The following ALPL variants were observed in gnomAD, a reference collection of about 807,000 sequenced individuals.
ALPL encodes the protein alkaline phosphatase, tissue-nonspecific isozyme.
ALPL carries 42 observed loss-of-function variants against 51.3 expected under a neutral mutation model. The observed-to-expected ratio is 0.82, with a 90% CI of 0.64 to 1.06. ALPL has a LOEUF of 1.06. ALPL is among the 50% of genes least tolerant of loss of function. The pLI is 0.00. For synonymous variants in ALPL, 279 were observed against 296.4 expected, an observed-to-expected ratio of 0.94 and a Z score of 0.60; for missense variants, 589 against 709.4, an observed-to-expected ratio of 0.83 and a Z score of 1.93.
chr1:21,569,614 C>T (rs1011899773), intron 7 of ALPL, among the ~76,000 whole-genome samples: 2 of 152,136 alleles, frequency 1.3e-5, no homozygotes, highest in African/African-American at 4.8e-5. Context: ...TCTCTGCCCT[C>T]CTCCCCACAA....
At chr1:21,534,234 C>T (rs113558389) in intron 1 of ALPL, among the ~76,000 whole-genome samples, 10,577 of 152,284 alleles carry the variant, frequency 0.069, 513 homozygotes, top group Non-Finnish European at 0.1. Context: ...CCTTGGCCTC[C>T]CAAAGTGCTG....
At chr1:21,532,727 G>A (rs773327412) in intron 1 of ALPL, among the ~76,000 whole-genome samples, 4 of 152,180 alleles carry the variant, frequency 2.6e-5, no homozygotes, top group Non-Finnish European at 5.9e-5. Flanking sequence ...CTTGGCATGG[G>A]CTGTTCCAGC....
At chr1:21,514,156 C>A (rs7521331) in intron 1 of ALPL, among the ~76,000 whole-genome samples, 3 of 151,976 alleles carry the variant, frequency 2.0e-5, no homozygotes, top group Non-Finnish European at 4.4e-5. Flanking sequence ...TTTCCTGCTT[C>A]GGTGGTCCTC....
intron 1 of ALPL, among the ~76,000 whole-genome samples, chr1:21,550,519 CT>C (rs1277832543): frequency 6.6e-6 from 1 of 152,074 alleles, no homozygotes; most frequent in East Asian, 1.9e-4. Flanking sequence ...TGTCAGTATC[CT>C]TTATAGATTG....
chr1:21,536,400 A>C (rs1260989727), intron 1 of ALPL, among the ~76,000 whole-genome samples: 1 of 152,194 alleles, frequency 6.6e-6, no homozygotes, highest in Non-Finnish European at 1.5e-5. Flanking sequence ...TGCAGTTCTG[A>C]GGTCAGACTC....
chr1:21,576,409 C>A, intron 10 of ALPL, 113 bp from the exon 11 acceptor site: 1 of 1,404,500 alleles, frequency 7.1e-7, no homozygotes, highest in Non-Finnish European at 9.8e-7. Flanking sequence ...CATTGCAGGG[C>A]CCTTCAAAGA....
At position 21,576,489 on chromosome 1, in the gene ALPL, A is replaced by C. The variant is rs770409766; in HGVS notation, c.1190-33A>C. 46 of 1,611,076 alleles carry C rather than the reference A, an allele frequency of 2.9e-5. 1 individual carries two copies. The highest frequency in any genetic ancestry group is 3.7e-5 in the Non-Finnish European group (44 of 1,177,886). On this transcript the variant is annotated intron_variant, in intron 10 of 11. Transcript: ENST00000374840. ...CTGGGGACTGTACTCCTGGGGCCCC[A>C]GCATGACCCCTGAACACCCCCTCCC...
At chr1:21,535,863 G>T (rs1570212623) in intron 1 of ALPL, among the ~76,000 whole-genome samples, 2 of 152,222 alleles carry the variant, frequency 1.3e-5, no homozygotes, top group Non-Finnish European at 1.5e-5. Flanking sequence ...GACATGGCTT[G>T]GCCCTGCCCC....
chr1:21,563,537 G>C (rs990479008), intron 5 of ALPL, among the ~76,000 whole-genome samples: 2 of 152,172 alleles, frequency 1.3e-5, no homozygotes, highest in Non-Finnish European at 2.9e-5. Flanking sequence ...CTATAAAACG[G>C]GTGGGAACGT....
At chr1:21,577,341 G>A in intron 11 of ALPL, 42 bp from the exon 12 acceptor site, 1 of 1,612,804 alleles carries the variant, frequency 6.2e-7, no homozygotes, top group Non-Finnish European at 8.5e-7. Flanking sequence ...GCAGCGCCAG[G>A]CCCCTGGCAG....
chr1:21,540,077 C>T (rs985695818), intron 1 of ALPL, among the ~76,000 whole-genome samples: 4 of 152,152 alleles, frequency 2.6e-5, no homozygotes, highest in East Asian at 1.9e-4. Context: ...TGGCGAACAC[C>T]GCAGATGTAG....
chr1:21,515,099 C>G (rs1317379945), intron 1 of ALPL, among the ~76,000 whole-genome samples: 1 of 152,164 alleles, frequency 6.6e-6, no homozygotes, highest in Non-Finnish European at 1.5e-5. Context: ...CCTTCCAGAG[C>G]TCAGTTTGTC....
intron 2 of ALPL, among the ~76,000 whole-genome samples, chr1:21,554,625 G>C (rs1644375433): frequency 1.3e-5 from 2 of 151,124 alleles, no homozygotes; most frequent in South Asian, 4.2e-4. Context: ...CAAGTAGCTG[G>C]GACTACAGGT....
At chr1:21,567,855 C>A (rs1350469536) in intron 6 of ALPL, among the ~76,000 whole-genome samples, 1 of 152,074 alleles carries the variant, frequency 6.6e-6, no homozygotes, top group Admixed American at 6.6e-5. Flanking sequence ...TCCGGGAAGC[C>A]AAGTAAGGTA....
At chr1:21,539,498 C>T (rs1270074966) in intron 1 of ALPL, among the ~76,000 whole-genome samples, 1 of 152,174 alleles carries the variant, frequency 6.6e-6, no homozygotes, top group Non-Finnish European at 1.5e-5. Context: ...AAGTCCAAGA[C>T]ATTGGCATCC....
intron 2 of ALPL, among the ~76,000 whole-genome samples, chr1:21,554,839 TTCTTTCTTTCTTTCTTTCTTTC>T (rs1644386212): frequency 7.4e-6 from 1 of 135,892 alleles, no homozygotes; most frequent in African/African-American, 2.7e-5. Context: ...CTTTCTTTCT[TTCTTTCTTTCTTTCTTTCTTTC>T]TTTCTTTCTT....
rs1644629363 is a variant in ALPL at position 21,570,388 on chromosome 1, G to T, written c.862+14G>T. On this transcript the variant is annotated intron_variant, in intron 8 of 11. Transcript: ENST00000374840. ...ACTACCTATTGGGTAAGTGGAGGGG[G>T]TGGAGGGGAGGATGCATGGCTCGGA... is the stretch of plus-strand genomic sequence containing the variant. The T allele has an allele frequency of 6.2e-6, 10 of 1,613,276 alleles. No homozygotes were observed. The highest frequency in any genetic ancestry group is 1.3e-5 in the African/African-American group (1 of 74,898).
chr1:21,577,708 C>T lies in ALPL; in HGVS notation c.*60C>T, dbSNP rs367637559. On this transcript the variant is annotated 3_prime_UTR_variant, in exon 12 of 12. Transcript: ENST00000374840. ...AGATGCCAACTTCCCACACGGCAGCCCCCCCCTCAAGGGGCAGGGAGGTGG... is the reference window on the plus strand; with the variant it reads ...AGATGCCAACTTCCCACACGGCAGCTCCCCCCTCAAGGGGCAGGGAGGTGG... The T allele has an allele frequency of 1.9e-6, 3 of 1,554,460 alleles. No homozygotes were observed. The highest frequency in any genetic ancestry group is 1.2e-5 in the South Asian group (1 of 86,210).
intron 1 of ALPL, among the ~76,000 whole-genome samples, chr1:21,511,507 T>G (rs1291047485): frequency 6.6e-6 from 1 of 152,204 alleles, no homozygotes; most frequent in Non-Finnish European, 1.5e-5. Context: ...GAAAATGCAA[T>G]GCGGAGACTG....
Sources: gnomAD v4.1 joint callset for allele counts (sites outside exome capture counted in the v4.1 genomes callset) on GRCh38, gnomAD v4.1.1 for gene constraint, MANE v1.5 for transcripts, NCBI Gene and HGNC (gene_info 2026-07-23, HGNC 2026-07-21) for gene names.